TRMT10A: variants seen among roughly 807,000 people sequenced by gnomAD.
TRMT10A encodes the protein tRNA methyltransferase 10 homolog A.
Under a neutral mutation model 40.4 loss-of-function variants are expected in TRMT10A, and 37 were observed. The observed-to-expected ratio is 0.92, with a 90% CI of 0.71 to 1.21. TRMT10A has a LOEUF of 1.21. TRMT10A is among the 50% of genes most tolerant of loss of function. The pLI is 0.00. For missense variants in TRMT10A, 388 were observed against 404.3 expected, an observed-to-expected ratio of 0.96 and a Z score of 0.35; for synonymous variants, 103 against 134.1, an observed-to-expected ratio of 0.77 and a Z score of 1.60.
intron 1 of TRMT10A, 139 bp downstream of exon 1, chr4:99,563,774 C>T (rs970841719): frequency 6.5e-5 from 32 of 495,042 alleles, no homozygotes; most frequent in African/African-American, 4.8e-4. Flanking sequence ...AAGAGCGCCG[C>T]AGGAAACCAC....
At chr4:99,560,140 T>C (rs1234200252) in intron 1 of TRMT10A, among the ~76,000 whole-genome samples, 1 of 152,024 alleles carries the variant, frequency 6.6e-6, no homozygotes, top group Admixed American at 6.6e-5. Context: ...CTGAAATCAA[T>C]AACCAAGAAA....
Position 99,558,133 on chromosome 4 carries a change from G to C in TRMT10A, c.264C>G (p.Asp88Glu). The C allele has an allele frequency of 6.2e-7, 1 of 1,612,476 alleles. No individual in the cohort carries two copies. The highest frequency in any genetic ancestry group is 8.5e-7 in the Non-Finnish European group (1 of 1,179,326). The change falls in exon 3 of 8, where the codon GAC becomes GAG. Residue 88 changes from aspartate (D) to glutamate (E), a missense_variant. By Grantham distance (45) the Asp-to-Glu change is conservative. Transcript: ENST00000394876. ...CAACATCTCTTCGAACACGTTTTCT[G>C]TCATGTCCATCTGAGTTTGGTTCCA... ...CQMEPNSDGHDRKRVRRDVVH... is the reference protein window; with the variant it reads ...CQMEPNSDGHERKRVRRDVVH...
intron 1 of TRMT10A, among the ~76,000 whole-genome samples, chr4:99,562,088 T>C (rs1285862722): frequency 6.6e-6 from 1 of 151,432 alleles, no homozygotes; most frequent in Non-Finnish European, 1.5e-5. Flanking sequence ...GAAGAATCGC[T>C]TGAACCCGGG....
rs1723783958 is a variant in TRMT10A, at chr4:99,547,531, CATA to C, written c.*1554_*1556del. On this transcript the variant is annotated 3_prime_UTR_variant, in exon 8 of 8. Coordinates refer to ENST00000394876, the MANE Select transcript of TRMT10A (RefSeq NM_001134665.3). ...TACATAAAATAATTTAAGTAAAAGG[CATA>C]ATATTTCATGCTAATAAACCACATT... 1.3e-5 allele frequency: 2 copies of C among 151,978 alleles called. No homozygotes were observed. The highest frequency in any genetic ancestry group is 2.1e-4 in the South Asian group (1 of 4,810). The allele number at this position is 151,978 out of a possible 1,614,324, so 9.4% of individuals were successfully genotyped here. A position where few individuals can be genotyped will look rare whatever the true frequency, so the allele number is the denominator to read the frequency against.
At chr4:99,562,201 ATGTG>A (rs60133760) in intron 1 of TRMT10A, among the ~76,000 whole-genome samples, 15 of 136,188 alleles carry the variant, frequency 1.1e-4, no homozygotes, top group African/African-American at 2.6e-4. Context: ...ATATATATAT[ATGTG>A]TGTGTGTGTG....
At chr4:99,559,769 T>C (rs1279330615) in intron 1 of TRMT10A, among the ~76,000 whole-genome samples, 1 of 152,146 alleles carries the variant, frequency 6.6e-6, no homozygotes, top group African/African-American at 2.4e-5. Flanking sequence ...AGAAACCTCC[T>C]GAATGTCAGT....
intron 1 of TRMT10A, among the ~76,000 whole-genome samples, chr4:99,560,664 T>C (rs1346158590): frequency 6.6e-6 from 1 of 152,144 alleles, no homozygotes; most frequent in Admixed American, 6.5e-5. Flanking sequence ...CTAAAAAGGC[T>C]AGATGGAAAA....
chr4:99,548,901 A>G lies in TRMT10A; in HGVS notation c.*187T>C. The G allele has an allele frequency of 1.8e-6, 1 of 560,668 alleles. No homozygotes were observed. Among genetic ancestry groups the G allele is most frequent in the Admixed American group, 3.8e-5 (1 of 26,564 alleles). 34.7% of individuals were successfully genotyped at this position (560,668 alleles called of 1,614,324 possible). A position where few individuals can be genotyped will look rare whatever the true frequency, so the allele number is the denominator to read the frequency against. ...TACACATTTAAATCTTCTTACGCAA[A>G]ATCAAAAAATATTTCCTTACAAAGT... On this transcript the variant is annotated 3_prime_UTR_variant, in exon 8 of 8. Coordinates refer to ENST00000394876, the MANE Select transcript of TRMT10A (RefSeq NM_001134665.3).
intron 2 of TRMT10A, 37 bp from the exon 3 acceptor site, chr4:99,558,248 G>A (rs888083551): frequency 1.3e-6 from 2 of 1,497,900 alleles, no homozygotes; most frequent in African/African-American, 1.4e-5. Flanking sequence ...TTGTTATTGT[G>A]TATTCAGTTA....
chr4:99,559,111 A>C (rs1176371078), intron 2 of TRMT10A, 43 bp downstream of exon 2: 1 of 1,556,576 alleles, frequency 6.4e-7, no homozygotes, highest in African/African-American at 1.4e-5. Context: ...AACATTGCAT[A>C]TCTCTAAATA....
chr4:99,563,818 C>T lies in TRMT10A; in HGVS notation c.-24+95G>A, dbSNP rs1365948662. On this transcript the variant is annotated intron_variant, in intron 1 of 7. Transcript: ENST00000394876. ...CACTGCTCCCCTCTCCCCCGGAAGC[C>T]CTTGTTGCTAGTAGGGGGCTGCATG... is the stretch of plus-strand genomic sequence containing the variant. 6.3e-6 allele frequency: 4 copies of T among 634,492 alleles called. No homozygotes were observed. In the East Asian group the frequency reaches 1.3e-4, roughly 21 times the overall value. The allele number at this position is 634,492 out of a possible 1,614,324, so 39.3% of individuals were successfully genotyped here. A position where few individuals can be genotyped will look rare whatever the true frequency, so the allele number is the denominator to read the frequency against.
chr4:99,552,422 A>G (rs1401958582), intron 6 of TRMT10A, among the ~76,000 whole-genome samples: 2 of 152,222 alleles, frequency 1.3e-5, no homozygotes, highest in Non-Finnish European at 2.9e-5. Context: ...AACACTCTGT[A>G]TAGGTTTGTA....
intron 1 of TRMT10A, among the ~76,000 whole-genome samples, chr4:99,562,187 T>TTATATA (rs989324185): frequency 2.1e-3 from 282 of 137,078 alleles, no homozygotes; most frequent in Non-Finnish European, 3.6e-3. Flanking sequence ...AAAAAAAAAA[T>TTATATA]TATATATATA....
In TRMT10A at chr4:99,559,221, T is replaced by C. The variant is rs1020776949; in HGVS notation, c.118A>G (p.Ile40Val). 1.2e-6 allele frequency: 2 copies of C among 1,613,486 alleles called. No homozygotes were observed. The highest frequency in any genetic ancestry group is 1.3e-5 in the African/African-American group (1 of 74,924). Reference protein sequence around the residue: ...KPRLGEGCEPISKRQMKKLIK... With the variant: ...KPRLGEGCEPVSKRQMKKLIK... ...AGTTTTTTCATTTGTCGTTTAGATATTGGTTCACACCCTTCACCTAATCTT... is the reference window on the plus strand; with the variant it reads ...AGTTTTTTCATTTGTCGTTTAGATACTGGTTCACACCCTTCACCTAATCTT... The change falls in exon 2 of 8, where the codon ATA becomes GTA. Residue 40 changes from isoleucine (I) to valine (V), a missense_variant. Ile to Val is a conservative substitution (Grantham distance 29). Transcript: ENST00000394876.
At chr4:99,555,771 C>T (rs1175369810) in intron 5 of TRMT10A, among the ~76,000 whole-genome samples, 3 of 152,056 alleles carry the variant, frequency 2.0e-5, no homozygotes, top group African/African-American at 7.2e-5. Flanking sequence ...TAGTGGCCAG[C>T]ACAGAGTAAG....
rs760314244 is a variant in TRMT10A, at chr4:99,549,351, C to T, written c.757G>A (p.Glu253Lys). Residue 253 changes from glutamate to lysine, a missense_variant, in exon 8 of 8, where the codon GAA becomes AAA. Glu to Lys is a moderately conservative substitution (Grantham distance 56). Coordinates refer to ENST00000394876, the MANE Select transcript of TRMT10A (RefSeq NM_001134665.3). ...RKVLAVNHVF[E>K]IILEYLETRD... Reference sequence around the variant, plus strand: ...GTTTCCAGGTATTCCAGAATAATTTCAAACACTGCAATAAAGACATATTCC... The same window carrying T: ...GTTTCCAGGTATTCCAGAATAATTTTAAACACTGCAATAAAGACATATTCC... The T allele has an allele frequency of 6.2e-7, 1 of 1,613,886 alleles. No homozygotes were observed. The highest frequency in any genetic ancestry group is 1.1e-5 in the South Asian group (1 of 91,072).
intron 5 of TRMT10A, 21 bp from the exon 6 acceptor site, chr4:99,553,955 A>C (rs755755869): frequency 1.1e-5 from 17 of 1,605,012 alleles, no homozygotes; most frequent in African/African-American, 4.0e-5. Flanking sequence ...ACAGGGAAAG[A>C]GGTTACTAAT....
rs1723756886 is a variant in TRMT10A at position 99,546,882 on chromosome 4, T to C, written c.*2206A>G. 2 of 152,066 alleles carry C rather than the reference T, an allele frequency of 1.3e-5. No individual in the cohort carries two copies. The highest frequency in any genetic ancestry group is 4.8e-5 in the African/African-American group (2 of 41,400). 9.4% of individuals were successfully genotyped at this position (152,066 alleles called of 1,614,324 possible). ...AAAGCTTAATATTTTTAAAACCAAATTTTTAAATACCTCAGAAACTAGTTA... is the reference window on the plus strand; with the variant it reads ...AAAGCTTAATATTTTTAAAACCAAACTTTTAAATACCTCAGAAACTAGTTA... On this transcript the variant is annotated 3_prime_UTR_variant, in exon 8 of 8. Transcript: ENST00000394876.
At chr4:99,557,545 C>T in intron 3 of TRMT10A, 129 bp from the exon 4 acceptor site, 1 of 679,806 alleles carries the variant, frequency 1.5e-6, no homozygotes, top group East Asian at 3.0e-5. Flanking sequence ...AATACAAATG[C>T]ATTCTGATAA....
Sources: allele counts gnomAD v4.1 joint callset (sites outside exome capture counted in the v4.1 genomes callset), GRCh38; gene constraint gnomAD v4.1.1; transcripts MANE v1.5; gene names NCBI Gene and HGNC (gene_info 2026-07-23, HGNC 2026-07-21).